NDUFAF6: variants seen among roughly 807,000 people sequenced by gnomAD.
The protein encoded by NDUFAF6 is NADH dehydrogenase (ubiquinone) complex I, assembly factor 6.
NDUFAF6 carries 45 observed loss-of-function variants against 40.8 expected under a neutral mutation model. The observed-to-expected ratio is 1.10, with a 90% CI of 0.87 to 1.42. The LOEUF (loss-of-function observed/expected upper bound fraction) is 1.42, where lower values mean the gene tolerates loss of function less well. NDUFAF6 is among the 40% of genes most tolerant of loss of function. NDUFAF6 has a pLI of 0.00. For synonymous variants in NDUFAF6, 185 were observed against 155.9 expected, an observed-to-expected ratio of 1.19 and a Z score of -1.39; for missense variants, 435 against 418.5, an observed-to-expected ratio of 1.04 and a Z score of -0.34.
chr8:95,028,354 G>A (rs567536801), intron 1 of NDUFAF6, among the ~76,000 whole-genome samples: 2 of 152,312 alleles, frequency 1.3e-5, no homozygotes, highest in Admixed American at 1.3e-4. Flanking sequence ...CAGGTAACTG[G>A]ATCTTGGTTA....
At chr8:95,066,264 A>G (rs1019036932) in intron 9 of NDUFAF6, among the ~76,000 whole-genome samples, 3 of 146,982 alleles carry the variant, frequency 2.0e-5, no homozygotes, top group Non-Finnish European at 1.5e-5. Context: ...GGCATGTGCC[A>G]TCATGCCTGG....
chr8:95,073,588 G>T (rs1367141521), intron 9 of NDUFAF6, among the ~76,000 whole-genome samples: 1 of 152,068 alleles, frequency 6.6e-6, no homozygotes, highest in Non-Finnish European at 1.5e-5. Flanking sequence ...CTTCCGCAGG[G>T]GTCCTGCGAA....
intron 2 of NDUFAF6, among the ~76,000 whole-genome samples, chr8:95,001,060 A>G (rs933458009): frequency 6.7e-6 from 1 of 149,786 alleles, no homozygotes; most frequent in Non-Finnish European, 1.5e-5. Flanking sequence ...GGCCCAAGTG[A>G]TCTTCCCATC....
intron 1 of NDUFAF6, among the ~76,000 whole-genome samples, chr8:94,915,720 G>A (rs983238983): frequency 2.6e-5 from 4 of 152,182 alleles, no homozygotes; most frequent in Non-Finnish European, 5.9e-5. Flanking sequence ...CTGCAGCCTT[G>A]TCAGCATCTG....
intron 3 of NDUFAF6, among the ~76,000 whole-genome samples, chr8:95,038,080 CT>C (rs1315456373): frequency 7.2e-5 from 11 of 152,292 alleles, no homozygotes; most frequent in Admixed American, 3.9e-4. Context: ...GAGATGAGGT[CT>C]CACTGTGTTG....
chr8:95,038,901 C>A (rs1320618367), intron 3 of NDUFAF6, among the ~76,000 whole-genome samples: 1 of 150,062 alleles, frequency 6.7e-6, no homozygotes, highest in Non-Finnish European at 1.5e-5. Context: ...CATCTCTTGA[C>A]CTCGTGATCT....
At chr8:94,904,319 G>GTTTTTT (rs770089828) in intron 1 of NDUFAF6, among the ~76,000 whole-genome samples, 1 of 18,146 alleles carries the variant, frequency 5.5e-5, no homozygotes, top group Non-Finnish European at 1.0e-4. Flanking sequence ...AATTTTTTTT[G>GTTTTTT]CTTTTTTTTT....
chr8:95,114,674 A>G (rs1810090094), intron 4 of NDUFAF6, among the ~76,000 whole-genome samples: 2 of 152,090 alleles, frequency 1.3e-5, no homozygotes, highest in African/African-American at 4.8e-5. Context: ...AATCTCTTTC[A>G]TTCACCCGGT....
intron 2 of NDUFAF6, among the ~76,000 whole-genome samples, chr8:95,006,184 C>G (rs965545301): frequency 6.6e-6 from 1 of 151,244 alleles, no homozygotes; most frequent in African/African-American, 2.4e-5. Context: ...ATGGTGAAAC[C>G]CTGTCTCTAC....
At chr8:94,986,575 T>C (rs1312765721) in intron 2 of NDUFAF6, among the ~76,000 whole-genome samples, 1 of 152,178 alleles carries the variant, frequency 6.6e-6, no homozygotes, top group Non-Finnish European at 1.5e-5. Flanking sequence ...TAGCTTAATA[T>C]AGTGAAAAAT....
At chr8:94,947,985 G>A (rs1822164288) in intron 2 of NDUFAF6, among the ~76,000 whole-genome samples, 1 of 152,116 alleles carries the variant, frequency 6.6e-6, no homozygotes, top group Non-Finnish European at 1.5e-5. Flanking sequence ...AGTATCGTGG[G>A]GGAACTCATT....
intron 9 of NDUFAF6, among the ~76,000 whole-genome samples, chr8:95,065,531 GAA>G (rs989537882): frequency 1.3e-4 from 20 of 150,570 alleles, no homozygotes; most frequent in African/African-American, 3.5e-4. Flanking sequence ...ATGTAGAAAA[GAA>G]GAGATTAGAA....
At chr8:95,043,430 A>G (rs1830369172) in intron 4 of NDUFAF6, among the ~76,000 whole-genome samples, 1 of 151,572 alleles carries the variant, frequency 6.6e-6, no homozygotes, top group Non-Finnish European at 1.5e-5. Context: ...CAAGCAAGAA[A>G]AGAAAAAATA....
chr8:94,997,805 AGGTCTGGTG>A (rs1259103210), intron 2 of NDUFAF6, among the ~76,000 whole-genome samples: 2 of 152,246 alleles, frequency 1.3e-5, no homozygotes, highest in African/African-American at 4.8e-5. Flanking sequence ...GCCCAGCCAG[AGGTCTGGTG>A]GAAGAAGAAC....
upstream of NDUFAF6, among the ~76,000 whole-genome samples, chr8:94,953,941 A>G (rs912178679): frequency 6.6e-6 from 1 of 152,194 alleles, no homozygotes; most frequent in African/African-American, 2.4e-5. Context: ...TTGATCATCC[A>G]AGGCAAGGTT....
chr8:95,062,510 CCT>C (rs1033235610), downstream of NDUFAF6, among the ~76,000 whole-genome samples: 2 of 152,162 alleles, frequency 1.3e-5, no homozygotes, highest in African/African-American at 4.8e-5. Context: ...CAGGATGTGT[CCT>C]CTCCAATTGG....
chr8:94,897,983 C>T (rs550995356), intron 1 of NDUFAF6, among the ~76,000 whole-genome samples: 5 of 152,056 alleles, frequency 3.3e-5, no homozygotes, highest in South Asian at 4.1e-4. Context: ...GGATGATAGA[C>T]GGATGGTGGA....
intron 2 of NDUFAF6, among the ~76,000 whole-genome samples, chr8:95,084,668 T>C (rs573838496): frequency 1.3e-5 from 2 of 152,336 alleles, no homozygotes; most frequent in South Asian, 2.1e-4. Context: ...TCCTAGGTAA[T>C]TGGACTCAAA....
chr8:94,954,277 G>A (rs952562575), upstream of NDUFAF6, among the ~76,000 whole-genome samples: 1 of 151,978 alleles, frequency 6.6e-6, no homozygotes, highest in South Asian at 2.1e-4. Flanking sequence ...TGGCCAGGAT[G>A]GTCTTGATCT....
Sources: allele counts gnomAD v4.1 joint callset (sites outside exome capture counted in the v4.1 genomes callset), GRCh38; gene constraint gnomAD v4.1.1; transcripts MANE v1.5; gene names NCBI Gene and HGNC (gene_info 2026-07-23, HGNC 2026-07-21).